Variants in DNMBP observed in about 807,000 individuals in gnomAD.
DNMBP encodes dynamin-binding protein.
In DNMBP, 87 loss-of-function variants were observed where a neutral mutation model predicts 150.0. The observed-to-expected ratio is 0.58, with a 90% CI of 0.49 to 0.69. The LOEUF (loss-of-function observed/expected upper bound fraction) is 0.69, where lower values mean the gene tolerates loss of function less well. DNMBP is among the 30% of genes least tolerant of loss of function. The pLI is 0.00. For missense variants in DNMBP, 1,774 were observed against 1,949.0 expected (o/e 0.91, Z 1.69); for synonymous variants, 711 against 750.4 (o/e 0.95, Z 0.86).
intron 16 of DNMBP, among the ~76,000 whole-genome samples, chr10:99,878,617 T>G (rs2133184439): frequency 6.6e-6 from 1 of 152,200 alleles, no homozygotes; most frequent in Middle Eastern, 3.4e-3. Flanking sequence ...AAAACTGGAC[T>G]CTTAGAATCC....
intron 4 of DNMBP, among the ~76,000 whole-genome samples, chr10:99,915,106 A>AC (rs57930336): frequency 9.7e-6 from 1 of 102,744 alleles, no homozygotes; most frequent in African/African-American, 4.7e-5. Flanking sequence ...AAAAAAAAAA[A>AC]AAATATATAT....
In DNMBP at chr10:99,994,864, ATCTTATCTGCCTTTGTCCTATTT is replaced by A. The variant is rs1296328204; in HGVS notation, c.-11+14951_-11+14973del. Among the ~76,000 whole-genome samples the A allele has an allele frequency of 2.0e-5, 3 of 152,090 alleles. No homozygotes were observed. The East Asian group carries it at 5.8e-4, about 29-fold the overall frequency. The stretch of plus-strand genomic sequence containing the variant: ...TAGCTTCCTAAATGGCTACCTACCA[ATCTTATCTGCCTTTGTCCTATTT>A]TCCACACCCAACTAGGATTATCTTC... On this transcript the variant is annotated intron_variant, in intron 1 of 16. Transcript: ENST00000324109.
chr10:99,894,955 C>CT lies in DNMBP; in HGVS notation c.3146dup (p.His1050AlafsTer32). ...TGATGTTGATGCTCACCCGGATGTG[C>CT]TGGAGGTAGAGAGACAGGTCTCGGA... On this transcript the variant is annotated frameshift_variant, in exon 11 of 17. Transcript: ENST00000324109. LOFTEE classifies it high-confidence loss of function. The CT allele has an allele frequency of 6.2e-7, 1 of 1,613,122 alleles. No individual in the cohort carries two copies. Among genetic ancestry groups the CT allele is most frequent in the Non-Finnish European group, 8.5e-7 (1 of 1,179,182 alleles).
intron 1 of DNMBP, among the ~76,000 whole-genome samples, chr10:100,000,368 A>G (rs1026622700): frequency 6.6e-6 from 1 of 152,140 alleles, no homozygotes; most frequent in African/African-American, 2.4e-5. Flanking sequence ...AACAATGCAG[A>G]ATGCACTCTG....
chr10:99,936,659 T>C (rs1289470934), intron 4 of DNMBP, among the ~76,000 whole-genome samples: 4 of 152,104 alleles, frequency 2.6e-5, no homozygotes, highest in African/African-American at 7.2e-5. Context: ...AAATACTTGA[T>C]GTGCTATTAC....
intron 4 of DNMBP, chr10:99,930,302 T>G: frequency 2.8e-6 from 2 of 702,996 alleles, no homozygotes; most frequent in South Asian, 1.5e-5. Context: ...ACTGTTCAGC[T>G]TTTTTAGAGT....
chr10:99,931,735 G>C (rs1175249980), intron 4 of DNMBP, among the ~76,000 whole-genome samples: 1 of 152,198 alleles, frequency 6.6e-6, no homozygotes, highest in Non-Finnish European at 1.5e-5. Flanking sequence ...TTGTGGAACA[G>C]AAAAAGACAA....
At chr10:99,894,834 A>G (rs535767529) in intron 11 of DNMBP, 112 bp downstream of exon 11, 1 of 753,720 alleles carries the variant, frequency 1.3e-6, no homozygotes, top group Admixed American at 2.6e-5. Flanking sequence ...GGGGCATAAT[A>G]GTAATTTGAG....
chr10:100,004,628 A>C (rs1376010923), intron 1 of DNMBP, among the ~76,000 whole-genome samples: 1 of 152,238 alleles, frequency 6.6e-6, no homozygotes, highest in East Asian at 1.9e-4. Context: ...ATTCCTATCT[A>C]ACACATGAAA....
intron 4 of DNMBP, among the ~76,000 whole-genome samples, chr10:99,953,617 T>C (rs1254398617): frequency 6.6e-6 from 1 of 151,966 alleles, no homozygotes; most frequent in Non-Finnish European, 1.5e-5. Context: ...GTCAGGAGTT[T>C]GAGACCAGCC....
intron 15 of DNMBP, among the ~76,000 whole-genome samples, chr10:99,882,069 G>A (rs572896058): frequency 3.3e-5 from 5 of 152,114 alleles, no homozygotes; most frequent in African/African-American, 9.7e-5. Context: ...TGTCATTTGC[G>A]GCCACATGGT....
chr10:99,986,851 C>T (rs943694303), intron 1 of DNMBP, among the ~76,000 whole-genome samples: 3 of 152,042 alleles, frequency 2.0e-5, no homozygotes, highest in African/African-American at 7.2e-5. Flanking sequence ...GGAAGGTTCA[C>T]TTCATGTAAA....
At chr10:99,913,045 A>G (rs1024022153) in intron 4 of DNMBP, among the ~76,000 whole-genome samples, 2 of 152,152 alleles carry the variant, frequency 1.3e-5, no homozygotes, top group Non-Finnish European at 2.9e-5. Flanking sequence ...CTGTAATCCT[A>G]GCGCTTTGGG....
rs148207523 is a variant in DNMBP at position 99,895,278 on chromosome 10, C to T, written c.3052-228G>A. Among the ~76,000 whole-genome samples the T allele has an allele frequency of 4.2e-3, 632 of 152,200 alleles. 8 individuals carry two copies. The highest frequency in any genetic ancestry group is 0.014 in the African/African-American group (585 of 41,534). On this transcript the variant is annotated intron_variant, in intron 10 of 16. Transcript: ENST00000324109. ...CATAGCTGAGATTACAGGCTTGCAT[C>T]ACCACGCCCAGCTCATTTTTGTATT... is the stretch of plus-strand genomic sequence containing the variant.
intron 4 of DNMBP, among the ~76,000 whole-genome samples, chr10:99,911,436 T>C (rs1032786473): frequency 3.3e-5 from 5 of 152,054 alleles, no homozygotes; most frequent in Admixed American, 6.6e-5. Context: ...TGAGCCAAGA[T>C]TGCACCACTG....
intron 1 of DNMBP, among the ~76,000 whole-genome samples, chr10:100,009,600 A>G (rs2041110956): frequency 6.6e-6 from 1 of 151,856 alleles, no homozygotes; most frequent in South Asian, 2.1e-4. Context: ...CACCCCTCCA[A>G]CTCCCGGGGA....
At position 99,888,753 on chromosome 10, in the gene DNMBP, T is replaced by G. The variant is rs375441876; in HGVS notation, c.3285+72A>C. On this transcript the variant is annotated intron_variant, in intron 12 of 16. Transcript: ENST00000324109. Reference sequence around the variant, plus strand: ...TGCCCAGGGCCTGTGTCCGTGGAACTGACTTGCATGAGCTGATGTATTTGA... The same window carrying G: ...TGCCCAGGGCCTGTGTCCGTGGAACGGACTTGCATGAGCTGATGTATTTGA... 3.7e-4 allele frequency: 587 copies of G among 1,584,702 alleles called. 2 individuals carry two copies. In the African/African-American group the frequency reaches 7.0e-3, roughly 19 times the overall value.
intron 4 of DNMBP, among the ~76,000 whole-genome samples, chr10:99,928,975 C>G (rs1554864926): frequency 6.6e-6 from 1 of 151,864 alleles, no homozygotes; most frequent in Non-Finnish European, 1.5e-5. Flanking sequence ...GAAACCCTGC[C>G]CCTACAAAAA....
At position 99,879,907 on chromosome 10, in the gene DNMBP, C is replaced by G; in HGVS notation, c.4452G>C (p.Gly1484=). ...ATCCTTTGACGAGGTCTTGACTTTG[C>G]CCATTTCGTCCTGGTACGGAGTAGC... ...IVGYSVPGRN[G]QSQDLVKGCA... Residue 1484 remains glycine (G), a synonymous_variant, in exon 16 of 17, where the codon GGG becomes GGC. Transcript: ENST00000324109. The G allele has an allele frequency of 6.2e-7, 1 of 1,614,206 alleles. No homozygotes were observed.
Sources: allele counts gnomAD v4.1 joint callset (sites outside exome capture counted in the v4.1 genomes callset), GRCh38; gene constraint gnomAD v4.1.1; transcripts MANE v1.5; gene names NCBI Gene and HGNC (gene_info 2026-07-23, HGNC 2026-07-21).